UBE2E2: variants seen among roughly 807,000 people sequenced by gnomAD.
The protein encoded by UBE2E2 is ubiquitin conjugating enzyme E2 E2.
A neutral mutation model predicts 24.7 loss-of-function variants in UBE2E2; 6 were observed. That is an observed-to-expected ratio of 0.24 (90% confidence interval 0.13 to 0.48). The LOEUF (loss-of-function observed/expected upper bound fraction) is 0.48, where lower values mean the gene tolerates loss of function less well. Among genes scored for constraint, UBE2E2 ranks in the 20% least tolerant of loss-of-function variants. The pLI is 0.99. For missense variants in UBE2E2, 169 were observed against 245.0 expected (o/e 0.69, Z 2.07); for synonymous variants, 104 against 83.6 (o/e 1.24, Z -1.33).
intron 3 of UBE2E2, among the ~76,000 whole-genome samples, chr3:23,485,524 T>C (rs936240171): frequency 6.6e-6 from 1 of 152,128 alleles, no homozygotes; most frequent in Non-Finnish European, 1.5e-5. Context: ...TCTTCCCCTA[T>C]TAAAACAAAA....
At chr3:23,334,607 A>T (rs1222286868) in intron 3 of UBE2E2, among the ~76,000 whole-genome samples, 3 of 152,222 alleles carry the variant, frequency 2.0e-5, no homozygotes, top group Non-Finnish European at 4.4e-5. Context: ...ACTTTTGGAT[A>T]AAAAGGTATG....
intron 4 of UBE2E2, among the ~76,000 whole-genome samples, chr3:23,507,428 T>G (rs1340457463): frequency 6.6e-6 from 1 of 152,210 alleles, no homozygotes; most frequent in Non-Finnish European, 1.5e-5. Flanking sequence ...TTGATGTCAC[T>G]CCTTTAATCT....
At chr3:23,205,349 A>G (rs1696119195) in intron 1 of UBE2E2, among the ~76,000 whole-genome samples, 1 of 152,200 alleles carries the variant, frequency 6.6e-6, no homozygotes, top group South Asian at 2.1e-4. Flanking sequence ...TTAATTTTAA[A>G]ATGCTAATTT....
At chr3:23,257,512 GCCCCCCC>G (rs5847227) in intron 3 of UBE2E2, among the ~76,000 whole-genome samples, 5 of 31,146 alleles carry the variant, frequency 1.6e-4, no homozygotes, top group African/African-American at 5.2e-4. Flanking sequence ...TGTTTCCCGT[GCCCCCCC>G]CCCCCCCCCA....
chr3:23,318,682 C>G (rs532128910), intron 3 of UBE2E2, among the ~76,000 whole-genome samples: 1 of 152,082 alleles, frequency 6.6e-6, no homozygotes, highest in Non-Finnish European at 1.5e-5. Flanking sequence ...CTTTTACTTA[C>G]CACTTATTCA....
chr3:23,562,985 A>G (rs1412772127), intron 5 of UBE2E2, among the ~76,000 whole-genome samples: 2 of 152,084 alleles, frequency 1.3e-5, no homozygotes, highest in African/African-American at 2.4e-5. Context: ...TCTTGCTAGC[A>G]GTCTATCAAT....
intron 4 of UBE2E2, among the ~76,000 whole-genome samples, chr3:23,514,691 C>T (rs532365886): frequency 6.6e-6 from 1 of 151,640 alleles, no homozygotes; most frequent in South Asian, 2.1e-4. Flanking sequence ...TGAGAAAGCA[C>T]AAAAAAGTGG....
intron 3 of UBE2E2, among the ~76,000 whole-genome samples, chr3:23,303,518 T>G (rs1699158113): frequency 6.6e-6 from 1 of 152,148 alleles, no homozygotes; most frequent in African/African-American, 2.4e-5. Flanking sequence ...ATTTTTATTG[T>G]CAGGTATAAA....
At chr3:23,347,495 T>A (rs143743491) in intron 3 of UBE2E2, among the ~76,000 whole-genome samples, 2,072 of 151,658 alleles carry the variant, frequency 0.014, 41 homozygotes, top group African/African-American at 0.046. Context: ...TAAGTGGGAG[T>A]TGAACAATGA....
intron 4 of UBE2E2, among the ~76,000 whole-genome samples, chr3:23,523,568 G>T (rs906177877): frequency 1.6e-5 from 2 of 125,968 alleles, no homozygotes; most frequent in African/African-American, 3.0e-5. Flanking sequence ...TTTAATTTCA[G>T]TTCCTTCACT....
At chr3:23,412,658 C>G (rs1697519592) in intron 3 of UBE2E2, among the ~76,000 whole-genome samples, 1 of 152,190 alleles carries the variant, frequency 6.6e-6, no homozygotes, top group African/African-American at 2.4e-5. Flanking sequence ...GTTAAGAGTT[C>G]AGAAACAACT....
At chr3:23,497,789 T>A (rs141460905) in intron 3 of UBE2E2, among the ~76,000 whole-genome samples, 16 of 152,198 alleles carry the variant, frequency 1.1e-4, no homozygotes, top group Admixed American at 9.8e-4. Flanking sequence ...TTCTTGAAAT[T>A]TAGTTCATCT....
At chr3:23,468,937 T>C (rs1260700410) in intron 3 of UBE2E2, among the ~76,000 whole-genome samples, 1 of 152,182 alleles carries the variant, frequency 6.6e-6, no homozygotes, top group East Asian at 1.9e-4. Context: ...TCAAAAAAAC[T>C]CTGTGGATCT....
intron 3 of UBE2E2, among the ~76,000 whole-genome samples, chr3:23,256,810 A>G (rs1372300893): frequency 1.3e-5 from 2 of 152,196 alleles, no homozygotes; most frequent in African/African-American, 2.4e-5. Flanking sequence ...ACACACGCAC[A>G]TATAAAATCA....
At chr3:23,578,436 C>T (rs1696396201) in intron 5 of UBE2E2, among the ~76,000 whole-genome samples, 1 of 152,032 alleles carries the variant, frequency 6.6e-6, no homozygotes, top group Non-Finnish European at 1.5e-5. Context: ...GGGTGTATAC[C>T]CAAAGGAAAA....
intron 3 of UBE2E2, among the ~76,000 whole-genome samples, chr3:23,311,971 G>A (rs1236507908): frequency 6.6e-6 from 1 of 152,140 alleles, no homozygotes; most frequent in Non-Finnish European, 1.5e-5. Context: ...GGTGGGAGGC[G>A]ATTGGATCAT....
At chr3:23,449,997 A>G in intron 3 of UBE2E2, 1 of 912,232 alleles carries the variant, frequency 1.1e-6, no homozygotes, top group Non-Finnish European at 1.3e-6. Flanking sequence ...ACGTGAGTAC[A>G]GCAATGGCTT....
chr3:23,237,938 A>AT lies in UBE2E2; in HGVS notation c.227+20635dup, dbSNP rs1044052350. ...GTCTTATACAAACTCTTGAGGGGAA[A>AT]TTTTTTTTTAGTGTTTTCCGCTTTA... On this transcript the variant is annotated intron_variant, in intron 3 of 5. Coordinates refer to ENST00000396703, the MANE Select transcript of UBE2E2 (RefSeq NM_152653.4). 1.4e-4 allele frequency among the ~76,000 whole-genome samples: 21 copies of AT among 151,536 alleles called. 2 individuals are homozygous for AT. Among genetic ancestry groups the AT allele is most frequent in the African/African-American group, 2.4e-4 (10 of 41,332 alleles).
intron 3 of UBE2E2, among the ~76,000 whole-genome samples, chr3:23,451,748 T>G (rs1698566507): frequency 6.6e-6 from 1 of 152,228 alleles, no homozygotes; most frequent in Admixed American, 6.5e-5. Context: ...GTTATTTTTA[T>G]GAGCGAGGAA....
Sources: allele counts gnomAD v4.1 joint callset (sites outside exome capture counted in the v4.1 genomes callset), GRCh38; gene constraint gnomAD v4.1.1; transcripts MANE v1.5; gene names NCBI Gene and HGNC (gene_info 2026-07-23, HGNC 2026-07-21).